PLCE1: variants seen among roughly 807,000 people sequenced by gnomAD.
PLCE1 encodes 1-phosphatidylinositol 4,5-bisphosphate phosphodiesterase epsilon-1.
In PLCE1, 119 loss-of-function variants were observed where a neutral mutation model predicts 242.8. The ratio of observed to expected loss-of-function variants is 0.49; its 90% CI spans 0.42 to 0.57. PLCE1 has a LOEUF of 0.57. PLCE1 is among the 20% of genes least tolerant of loss of function. The probability of loss-of-function intolerance (pLI) is 0.00; values close to 1 mark genes in which losing one functional copy is unlikely to be tolerated. For synonymous variants in PLCE1, 945 were observed against 1,017.4 expected (o/e 0.93, Z 1.35); for missense variants, 2,441 against 2,788.8 (o/e 0.88, Z 2.81).
chr10:94,188,492 C>G (rs756433788), intron 4 of PLCE1, among the ~76,000 whole-genome samples: 10 of 152,232 alleles, frequency 6.6e-5, no homozygotes, highest in Non-Finnish European at 1.5e-4. Context: ...GGCTCTTGGA[C>G]TCCGGCCTAT....
At chr10:94,032,334 T>G (rs766918303) in intron 2 of PLCE1, 82 bp downstream of exon 2, 1 of 1,274,374 alleles carries the variant, frequency 7.8e-7, no homozygotes, top group Non-Finnish European at 1.1e-6. Context: ...ATTGTCATAA[T>G]TGATGAGAAA....
At chr10:94,120,555 C>A (rs915134533) in intron 2 of PLCE1, among the ~76,000 whole-genome samples, 1 of 152,132 alleles carries the variant, frequency 6.6e-6, no homozygotes, top group African/African-American at 2.4e-5. Context: ...GGAAGAGAAA[C>A]CTTTAAGAAT....
At chr10:94,065,117 G>A (rs1333477129) in intron 2 of PLCE1, among the ~76,000 whole-genome samples, 2 of 151,998 alleles carry the variant, frequency 1.3e-5, no homozygotes, top group Non-Finnish European at 2.9e-5. Flanking sequence ...CATCACCTAA[G>A]CCTGACTCCC....
intron 3 of PLCE1, 65 bp downstream of exon 3, chr10:94,132,524 T>A: frequency 7.0e-7 from 1 of 1,434,276 alleles, no homozygotes; most frequent in Non-Finnish European, 9.8e-7. Context: ...TAAGTTAAGA[T>A]TTATGTATCT....
At chr10:94,153,850 A>T (rs1471722774) in intron 3 of PLCE1, among the ~76,000 whole-genome samples, 4 of 152,228 alleles carry the variant, frequency 2.6e-5, no homozygotes, top group Non-Finnish European at 1.5e-5. Context: ...GAAAACTGCA[A>T]GATACTGTTG....
intron 1 of PLCE1, among the ~76,000 whole-genome samples, chr10:94,030,006 G>T (rs1307561598): frequency 1.3e-5 from 2 of 152,160 alleles, no homozygotes; most frequent in Non-Finnish European, 2.9e-5. Context: ...AGGCTTGTTA[G>T]TGATAAGTTA....
intron 22 of PLCE1, among the ~76,000 whole-genome samples, chr10:94,291,839 G>A (rs73319898): frequency 6.6e-6 from 1 of 152,036 alleles, no homozygotes; most frequent in South Asian, 2.1e-4. Context: ...GTTCTTTGTT[G>A]CTTCTTCATT....
intron 2 of PLCE1, among the ~76,000 whole-genome samples, chr10:94,050,549 C>A (rs1249833660): frequency 1.3e-5 from 2 of 152,066 alleles, no homozygotes; most frequent in Non-Finnish European, 1.5e-5. Flanking sequence ...GGCCATTTAA[C>A]AAAACCTAGG....
At chr10:94,184,801 C>T (rs1282740766) in intron 4 of PLCE1, among the ~76,000 whole-genome samples, 1 of 152,148 alleles carries the variant, frequency 6.6e-6, no homozygotes, top group African/African-American at 2.4e-5. Flanking sequence ...TACTGCCTTC[C>T]CTTGGTCATG....
At chr10:94,093,242 T>G (rs2045146997) in intron 2 of PLCE1, among the ~76,000 whole-genome samples, 2 of 152,226 alleles carry the variant, frequency 1.3e-5, no homozygotes, top group Non-Finnish European at 2.9e-5. Flanking sequence ...ATAATCTGTA[T>G]GTAAAATGTA....
intron 2 of PLCE1, among the ~76,000 whole-genome samples, chr10:94,044,823 C>A (rs373874485): frequency 2.8e-5 from 4 of 143,476 alleles, no homozygotes; most frequent in African/African-American, 9.8e-5. Flanking sequence ...ATTTTTTTTT[C>A]TTGGATTCAT....
intron 2 of PLCE1, 117 bp from the exon 3 acceptor site, chr10:94,132,057 G>T: frequency 1.1e-6 from 1 of 906,270 alleles, no homozygotes; most frequent in Non-Finnish European, 1.8e-6. Context: ...CAGAGTGTTT[G>T]CACTTGGAGC....
At chr10:94,005,653 A>G (rs1215544153) in intron 1 of PLCE1, among the ~76,000 whole-genome samples, 1 of 152,182 alleles carries the variant, frequency 6.6e-6, no homozygotes, top group East Asian at 1.9e-4. Flanking sequence ...GCTGGGTAGC[A>G]TCTCCCCAAA....
intron 24 of PLCE1, among the ~76,000 whole-genome samples, chr10:94,299,261 G>A (rs762903641): frequency 7.9e-5 from 12 of 152,150 alleles, no homozygotes; most frequent in East Asian, 1.9e-4. Flanking sequence ...AGAAGCTGCC[G>A]TTTATTGCAC....
intron 4 of PLCE1, among the ~76,000 whole-genome samples, chr10:94,178,485 G>GA (rs2048193120): frequency 1.3e-5 from 2 of 152,192 alleles, no homozygotes; most frequent in African/African-American, 4.8e-5. Flanking sequence ...ATCTTGGGCA[G>GA]CCCAAAGTGA....
At chr10:94,273,870 A>G in intron 19 of PLCE1, 150 bp downstream of exon 19, 1 of 755,604 alleles carries the variant, frequency 1.3e-6, no homozygotes, top group Non-Finnish European at 2.3e-6. Context: ...TGGGCTTTTC[A>G]TTCCATAGAC....
intron 2 of PLCE1, among the ~76,000 whole-genome samples, chr10:94,035,767 T>C (rs1436413826): frequency 6.6e-6 from 1 of 152,208 alleles, no homozygotes; most frequent in Non-Finnish European, 1.5e-5. Flanking sequence ...GTTTAGAATC[T>C]GGTAGAAATT....
intron 1 of PLCE1, among the ~76,000 whole-genome samples, chr10:94,019,698 A>C (rs1186992402): frequency 1.3e-5 from 2 of 152,224 alleles, no homozygotes; most frequent in Non-Finnish European, 2.9e-5. Context: ...ATTTTACTTA[A>C]TTTAAATTTA....
intron 1 of PLCE1, among the ~76,000 whole-genome samples, chr10:93,999,243 A>G (rs2134160903): frequency 6.6e-6 from 1 of 152,304 alleles, no homozygotes; most frequent in African/African-American, 2.4e-5. Context: ...TGTTCTAAGC[A>G]ATTTATAGGT....
Sources: gnomAD v4.1 joint callset for allele counts (sites outside exome capture counted in the v4.1 genomes callset) on GRCh38, gnomAD v4.1.1 for gene constraint, MANE v1.5 for transcripts, NCBI Gene and HGNC (gene_info 2026-07-23, HGNC 2026-07-21) for gene names.